MRPL21: variants seen among roughly 807,000 people sequenced by gnomAD.
MRPL21 encodes the protein mitochondrial ribosomal protein L21.
In MRPL21, 20 loss-of-function variants were observed where a neutral mutation model predicts 27.3. That is an observed-to-expected ratio of 0.73 (90% CI 0.52 to 1.06). MRPL21 has a LOEUF of 1.06. MRPL21 is among the 50% of genes least tolerant of loss of function. The pLI is 0.00. For missense variants in MRPL21, 249 were observed against 251.4 expected, an observed-to-expected ratio of 0.99 and a Z score of 0.06; for synonymous variants, 98 against 101.5, an observed-to-expected ratio of 0.97 and a Z score of 0.21.
intron 2 of MRPL21, among the ~76,000 whole-genome samples, chr11:68,899,272 C>T (rs541470118): frequency 6.6e-6 from 1 of 152,242 alleles, no homozygotes; most frequent in South Asian, 2.1e-4. Context: ...CGTTTTTAAG[C>T]TTTTATTGCT....
chr11:68,903,586 C>T, intron 1 of MRPL21, 137 bp downstream of exon 1: 1 of 883,938 alleles, frequency 1.1e-6, no homozygotes, highest in Non-Finnish European at 1.8e-6. Context: ...TCCCCCGACT[C>T]CAAAACCCGT....
rs749570348 is a variant in MRPL21, at chr11:68,891,339, A to G, written c.610T>C (p.Leu204=). Residue 204 remains leucine, a synonymous_variant, in exon 7 of 7, where the codon TTG becomes CTG. Coordinates refer to ENST00000362034, the MANE Select transcript of MRPL21 (RefSeq NM_181514.2). ...RINSIEIAPC[L]L ...AAGTATTAACTCGGTAATCACAACA[A>G]ACACGGAGCAATCTCAATGCTGTTT... The G allele has an allele frequency of 9.0e-5, 145 of 1,613,956 alleles. No homozygotes were observed. The highest frequency in any genetic ancestry group is 1.2e-4 in the Non-Finnish European group (144 of 1,179,996).
chr11:68,893,723 T>C (rs995979609), intron 4 of MRPL21, among the ~76,000 whole-genome samples: 4 of 152,206 alleles, frequency 2.6e-5, no homozygotes, highest in Non-Finnish European at 5.9e-5. Flanking sequence ...TTAGATACCA[T>C]GGATATGCAT....
chr11:68,895,694 A>G (rs1424775543), intron 4 of MRPL21, among the ~76,000 whole-genome samples: 2 of 152,112 alleles, frequency 1.3e-5, no homozygotes, highest in African/African-American at 2.4e-5. Flanking sequence ...TTTTTGAGAC[A>G]GGGTCTCGCT....
At chr11:68,893,722 A>G (rs1250873086) in intron 4 of MRPL21, among the ~76,000 whole-genome samples, 1 of 152,204 alleles carries the variant, frequency 6.6e-6, no homozygotes, top group African/African-American at 2.4e-5. Context: ...ATTAGATACC[A>G]TGGATATGCA....
chr11:68,893,898 T>C (rs954320528), intron 4 of MRPL21, among the ~76,000 whole-genome samples: 2 of 151,986 alleles, frequency 1.3e-5, no homozygotes, highest in African/African-American at 4.8e-5. Flanking sequence ...ACGGTGAAAT[T>C]AGTCTCTACT....
chr11:68,902,690 C>G (rs540701145), intron 1 of MRPL21, among the ~76,000 whole-genome samples: 67 of 152,322 alleles, frequency 4.4e-4, no homozygotes, highest in African/African-American at 1.5e-3. Context: ...GGGGTTCACC[C>G]TTGGTAGTGT....
chr11:68,901,835 G>A (rs908378581), intron 1 of MRPL21, among the ~76,000 whole-genome samples: 5 of 152,060 alleles, frequency 3.3e-5, no homozygotes, highest in African/African-American at 1.2e-4. Flanking sequence ...ACCTCCAGAG[G>A]CTCCTCATTT....
At chr11:68,894,018 T>C (rs969274843) in intron 4 of MRPL21, among the ~76,000 whole-genome samples, 1 of 149,406 alleles carries the variant, frequency 6.7e-6, no homozygotes, top group Non-Finnish European at 1.5e-5. Context: ...AGAGCGAGAC[T>C]CTGTCTCAAA....
rs1857914932 is a variant in MRPL21, at chr11:68,900,733, CAG to C, written c.89-130_89-129del. 52 of 801,408 alleles carry C rather than the reference CAG, an allele frequency of 6.5e-5. 1 individual carries two copies. The South Asian group carries it at 7.6e-4, about 12-fold the overall frequency. 49.6% of individuals were successfully genotyped at this position (801,408 alleles called of 1,614,324 possible). A position where few individuals can be genotyped will look rare whatever the true frequency, so the allele number is the denominator to read the frequency against. ...GAACCACTGCATGACAGCCTGCCCA[CAG>C]AAACACCTAGGTGAGCAAAACTACA... On this transcript the variant is annotated intron_variant, in intron 1 of 6. Coordinates refer to ENST00000362034, the MANE Select transcript of MRPL21 (RefSeq NM_181514.2).
At chr11:68,897,553 A>C (rs1857827537) in intron 3 of MRPL21, 2 of 238,270 alleles carry the variant, frequency 8.4e-6, no homozygotes, top group Non-Finnish European at 1.6e-5. Context: ...GGTCGACATG[A>C]GTCCTGATAC....
chr11:68,897,908 TCTCCCAGGGAGGTCTTAC>T lies in MRPL21; in HGVS notation c.232+1_232+18del. 6.2e-7 allele frequency: 1 copy of T among 1,603,668 alleles called. No individual in the cohort carries two copies. Among genetic ancestry groups the T allele is most frequent in the Non-Finnish European group, 8.5e-7 (1 of 1,170,662 alleles). On this transcript the variant is annotated splice_donor_variant and splice_donor_5th_base_variant and intron_variant, in intron 3 of 6. Transcript: ENST00000362034. LOFTEE classifies it high-confidence loss of function. ...TCTAGGTGGTGCCCTCTAGCTTCTG[TCTCCCAGGGAGGTCTTAC>T]CTGCATGGTGTCTGGTCTCCTCAAC...
intron 6 of MRPL21, chr11:68,891,986 C>T (rs1396334497): frequency 2.5e-5 from 22 of 897,850 alleles, no homozygotes; most frequent in Admixed American, 1.8e-4. Context: ...CACCTGCTTG[C>T]GGATTCACTG....
chr11:68,892,756 T>C (rs1320264178), intron 6 of MRPL21, 134 bp downstream of exon 6: 1 of 1,540,076 alleles, frequency 6.5e-7, no homozygotes, highest in Non-Finnish European at 8.7e-7. Context: ...GGGTGGCAAG[T>C]GGGCAGTGGC....
chr11:68,902,904 C>G (rs760066493), intron 1 of MRPL21, among the ~76,000 whole-genome samples: 6 of 151,896 alleles, frequency 4.0e-5, no homozygotes, highest in Non-Finnish European at 7.3e-5. Flanking sequence ...CAAGATGTCC[C>G]CTTTTCAGGT....
intron 2 of MRPL21, 124 bp downstream of exon 2, chr11:68,900,424 T>A: frequency 1.0e-6 from 1 of 960,532 alleles, no homozygotes; most frequent in Non-Finnish European, 1.6e-6. Context: ...AAACTCTGTC[T>A]CTTAAAAACA....
chr11:68,891,488 G>T, intron 6 of MRPL21, 93 bp from the exon 7 acceptor site: 1 of 1,252,782 alleles, frequency 8.0e-7, no homozygotes, highest in Non-Finnish European at 1.2e-6. Flanking sequence ...CCCAGCCAGC[G>T]CGACCCCGGC....
In MRPL21 at chr11:68,903,814, C is replaced by T. The variant is rs756279426; in HGVS notation, c.-4G>A. 3.7e-6 allele frequency: 6 copies of T among 1,612,730 alleles called. No individual in the cohort carries two copies. Among genetic ancestry groups the T allele is most frequent in the Non-Finnish European group, 4.2e-6 (5 of 1,179,756 alleles). On this transcript the variant is annotated 5_prime_UTR_variant, in exon 1 of 7. Coordinates refer to ENST00000362034, the MANE Select transcript of MRPL21 (RefSeq NM_181514.2). The stretch of plus-strand genomic sequence containing the variant: ...CCGTCAGGGAAGATGCTGCCATGGC[C>T]GCAGCCTCGGCCGGAAACGGAAACG...
At chr11:68,891,504 C>T in intron 6 of MRPL21, 109 bp from the exon 7 acceptor site, 1 of 1,022,708 alleles carries the variant, frequency 9.8e-7, no homozygotes, top group East Asian at 2.4e-5. Flanking sequence ...CCGGCAACGT[C>T]CCCTGCTGCA....
Sources: gnomAD v4.1 joint callset for allele counts (sites outside exome capture counted in the v4.1 genomes callset) on GRCh38, gnomAD v4.1.1 for gene constraint, MANE v1.5 for transcripts, NCBI Gene and HGNC (gene_info 2026-07-23, HGNC 2026-07-21) for gene names.